LRFN2: variants seen among roughly 807,000 people sequenced by gnomAD.
LRFN2 encodes leucine rich repeat and fibronectin type III domain containing 2, also known as leucine-rich repeat and fibronectin type-III domain-containing protein 2.
In LRFN2, 18 loss-of-function variants were observed where a neutral mutation model predicts 37.3. The ratio of observed to expected loss-of-function variants is 0.48; its 90% CI spans 0.33 to 0.72. The LOEUF is 0.72. LRFN2 is among the 30% of genes least tolerant of loss of function. LRFN2 has a pLI of 0.02. For synonymous variants in LRFN2, 556 were observed against 466.6 expected, an observed-to-expected ratio of 1.19 and a Z score of -2.47; for missense variants, 1,006 against 1,060.7, an observed-to-expected ratio of 0.95 and a Z score of 0.72.
At chr6:40,465,306 C>A (rs887500760) in intron 1 of LRFN2, among the ~76,000 whole-genome samples, 3 of 152,174 alleles carry the variant, frequency 2.0e-5, no homozygotes, top group African/African-American at 4.8e-5. Flanking sequence ...AACTACAGAA[C>A]CGTCGGATCA....
At chr6:40,487,858 G>C (rs974216679) in intron 1 of LRFN2, among the ~76,000 whole-genome samples, 1 of 152,070 alleles carries the variant, frequency 6.6e-6, no homozygotes, top group Admixed American at 6.5e-5. Context: ...CTTTTTCTCT[G>C]CATCCCCTGA....
At chr6:40,547,976 G>T (rs1766696312) in intron 1 of LRFN2, among the ~76,000 whole-genome samples, 1 of 152,048 alleles carries the variant, frequency 6.6e-6, no homozygotes, top group Non-Finnish European at 1.5e-5. Flanking sequence ...GTTTCCTGAT[G>T]GGACCCTGAA....
intron 2 of LRFN2, among the ~76,000 whole-genome samples, chr6:40,401,244 G>C (rs1019768112): frequency 2.0e-5 from 3 of 152,052 alleles, no homozygotes; most frequent in African/African-American, 7.2e-5. Context: ...TTCCAGTCTA[G>C]GCTACACTCT....
chr6:40,491,195 T>C (rs1765085614), intron 1 of LRFN2, among the ~76,000 whole-genome samples: 1 of 152,246 alleles, frequency 6.6e-6, no homozygotes, highest in East Asian at 1.9e-4. Context: ...GATGCTCACC[T>C]GTTCTCTGGG....
At chr6:40,427,311 A>G (rs1763376294) in intron 2 of LRFN2, among the ~76,000 whole-genome samples, 1 of 152,214 alleles carries the variant, frequency 6.6e-6, no homozygotes, top group African/African-American at 2.4e-5. Context: ...AGTTCACTCC[A>G]TCAGTTTACA....
intron 1 of LRFN2, among the ~76,000 whole-genome samples, chr6:40,550,646 A>G (rs1766760133): frequency 6.6e-6 from 1 of 152,138 alleles, no homozygotes. Flanking sequence ...TTCCAATTTT[A>G]CTATTTTCCA....
At chr6:40,415,654 A>C (rs1763078504) in intron 2 of LRFN2, among the ~76,000 whole-genome samples, 2 of 152,208 alleles carry the variant, frequency 1.3e-5, no homozygotes, top group South Asian at 4.1e-4. Flanking sequence ...GTAGCTACTG[A>C]ATCGGTGAAG....
At chr6:40,565,534 G>A (rs1767072021) in intron 1 of LRFN2, among the ~76,000 whole-genome samples, 1 of 152,190 alleles carries the variant, frequency 6.6e-6, no homozygotes, top group Non-Finnish European at 1.5e-5. Flanking sequence ...TACCAAAACA[G>A]AGATATAGAC....
intron 1 of LRFN2, among the ~76,000 whole-genome samples, chr6:40,519,723 T>C (rs190763914): frequency 2.5e-4 from 38 of 152,338 alleles, no homozygotes; most frequent in Middle Eastern, 3.4e-3. Flanking sequence ...TGCTGACGAA[T>C]ACAACAGGGA....
intron 1 of LRFN2, among the ~76,000 whole-genome samples, chr6:40,459,929 C>G (rs1289721274): frequency 6.6e-6 from 1 of 152,178 alleles, no homozygotes; most frequent in Non-Finnish European, 1.5e-5. Flanking sequence ...GGTCACCCAG[C>G]TAACAACTAG....
At chr6:40,550,570 C>A (rs1346823406) in intron 1 of LRFN2, among the ~76,000 whole-genome samples, 1 of 152,194 alleles carries the variant, frequency 6.6e-6, no homozygotes, top group East Asian at 1.9e-4. Context: ...GACTAGCTAA[C>A]CAAAGAAAGC....
intron 1 of LRFN2, among the ~76,000 whole-genome samples, chr6:40,444,832 A>G (rs1443495657): frequency 1.3e-5 from 2 of 151,890 alleles, no homozygotes; most frequent in Non-Finnish European, 2.9e-5. Flanking sequence ...TCAAGTCCAA[A>G]TAGGGCTTCT....
chr6:40,443,831 G>A (rs1193608132), intron 1 of LRFN2, among the ~76,000 whole-genome samples: 1 of 152,188 alleles, frequency 6.6e-6, no homozygotes, highest in Non-Finnish European at 1.5e-5. Context: ...GAGCTACTCA[G>A]CCTTCCACCC....
At chr6:40,424,903 T>A (rs987029701) in intron 2 of LRFN2, among the ~76,000 whole-genome samples, 1 of 152,228 alleles carries the variant, frequency 6.6e-6, no homozygotes, top group African/African-American at 2.4e-5. Context: ...GAGATGTCGA[T>A]TTCATTAGCA....
chr6:40,486,009 G>A (rs2113866534), intron 1 of LRFN2, among the ~76,000 whole-genome samples: 1 of 152,376 alleles, frequency 6.6e-6, no homozygotes, highest in African/African-American at 2.4e-5. Flanking sequence ...ACTCAGAGGT[G>A]GCAGAGACAT....
chr6:40,489,186 T>C (rs1765032255), intron 1 of LRFN2, among the ~76,000 whole-genome samples: 1 of 152,170 alleles, frequency 6.6e-6, no homozygotes, highest in African/African-American at 2.4e-5. Flanking sequence ...TCTGCATCCC[T>C]GCTGTTGCTT....
intron 1 of LRFN2, among the ~76,000 whole-genome samples, chr6:40,469,805 A>G (rs1185972225): frequency 6.6e-6 from 1 of 152,062 alleles, no homozygotes; most frequent in African/African-American, 2.4e-5. Context: ...CCTTACCCTA[A>G]TAGCCTTAAA....
intron 1 of LRFN2, among the ~76,000 whole-genome samples, chr6:40,565,984 T>C (rs188323668): frequency 0.04 from 6,022 of 151,984 alleles, 145 homozygotes; most frequent in African/African-American, 0.053. Context: ...GCAACCTACT[T>C]ATCTGACAAA....
chr6:40,509,812 A>G (rs1002386738), intron 1 of LRFN2, among the ~76,000 whole-genome samples: 1 of 150,794 alleles, frequency 6.6e-6, no homozygotes, highest in African/African-American at 2.5e-5. Flanking sequence ...CCAGTATGCC[A>G]GGGAATACTG....
Sources: gnomAD v4.1 joint callset for allele counts (sites outside exome capture counted in the v4.1 genomes callset) on GRCh38, gnomAD v4.1.1 for gene constraint, MANE v1.5 for transcripts, NCBI Gene and HGNC (gene_info 2026-07-23, HGNC 2026-07-21) for gene names.